Variants in SH3RF3 observed in about 807,000 individuals in gnomAD.
The protein encoded by SH3RF3 is E3 ubiquitin-protein ligase SH3RF3.
In SH3RF3, 29 loss-of-function variants were observed where a neutral mutation model predicts 66.3. That is an observed-to-expected ratio of 0.44 (90% confidence interval 0.33 to 0.60). The LOEUF (loss-of-function observed/expected upper bound fraction) is 0.60, where lower values mean the gene tolerates loss of function less well. SH3RF3 is among the 20% of genes least tolerant of loss of function. The pLI, the probability that SH3RF3 is intolerant of heterozygous loss-of-function variation, is 0.04. For missense variants in SH3RF3, 1,194 were observed against 1,190.9 expected (o/e 1.00, Z -0.04); for synonymous variants, 583 against 532.0 (o/e 1.10, Z -1.32).
chr2:109,400,403 T>C (rs754663281), intron 4 of SH3RF3, among the ~76,000 whole-genome samples: 1 of 151,890 alleles, frequency 6.6e-6, no homozygotes, highest in Non-Finnish European at 1.5e-5. Flanking sequence ...CACGCACATA[T>C]ACACATATAC....
intron 1 of SH3RF3, among the ~76,000 whole-genome samples, chr2:109,150,471 T>C (rs1206748686): frequency 1.3e-5 from 2 of 152,172 alleles, no homozygotes; most frequent in Non-Finnish European, 2.9e-5. Context: ...CTTAGAAAAA[T>C]AGTTTTTTTA....
chr2:109,474,596 A>T (rs912351981), intron 8 of SH3RF3, among the ~76,000 whole-genome samples: 1 of 152,178 alleles, frequency 6.6e-6, no homozygotes, highest in Non-Finnish European at 1.5e-5. Flanking sequence ...CTTCAGACTT[A>T]CCCAGGTTTG....
At chr2:109,444,843 TAGG>T (rs1201432808) in intron 7 of SH3RF3, among the ~76,000 whole-genome samples, 3 of 151,796 alleles carry the variant, frequency 2.0e-5, no homozygotes, top group African/African-American at 4.8e-5. Flanking sequence ...ACTCAAGAGA[TAGG>T]AGGAAAATAA....
chr2:109,491,835 C>T (rs372022798), intron 9 of SH3RF3, among the ~76,000 whole-genome samples: 1 of 152,190 alleles, frequency 6.6e-6, no homozygotes, highest in Non-Finnish European at 1.5e-5. Context: ...CTGCCAGAAC[C>T]TTTCCTCCCT....
intron 3 of SH3RF3, among the ~76,000 whole-genome samples, chr2:109,373,623 C>T (rs1190951420): frequency 6.6e-6 from 1 of 152,050 alleles, no homozygotes; most frequent in Non-Finnish European, 1.5e-5. Context: ...TGACAGAAGT[C>T]AGAGCAGTAG....
intron 2 of SH3RF3, among the ~76,000 whole-genome samples, chr2:109,369,702 C>G (rs564101951): frequency 1.2e-4 from 18 of 152,312 alleles, no homozygotes; most frequent in African/African-American, 4.1e-4. Flanking sequence ...AGAGCCCAGC[C>G]TGCCCTCCTT....
intron 1 of SH3RF3, among the ~76,000 whole-genome samples, chr2:109,173,825 A>G (rs1677857289): frequency 6.6e-6 from 1 of 152,214 alleles, no homozygotes; most frequent in Non-Finnish European, 1.5e-5. Context: ...GGGCTGGAAC[A>G]CTGCCGTCGT....
chr2:109,341,691 A>G (rs1377754419), intron 1 of SH3RF3, among the ~76,000 whole-genome samples: 3 of 152,094 alleles, frequency 2.0e-5, no homozygotes, highest in African/African-American at 4.8e-5. Flanking sequence ...TGGGCATAAT[A>G]TTTGATGGAA....
intron 1 of SH3RF3, among the ~76,000 whole-genome samples, chr2:109,155,197 C>T (rs1677312932): frequency 6.6e-6 from 1 of 152,182 alleles, no homozygotes; most frequent in Non-Finnish European, 1.5e-5. Context: ...TGCTGATGTT[C>T]AGTGGTGTTC....
At chr2:109,331,485 C>A (rs184208566) in intron 1 of SH3RF3, among the ~76,000 whole-genome samples, 3 of 152,078 alleles carry the variant, frequency 2.0e-5, no homozygotes, top group Non-Finnish European at 4.4e-5. Flanking sequence ...TCAGGGCTCC[C>A]GCGTCTACTC....
chr2:109,340,748 C>T (rs12614506), intron 1 of SH3RF3, among the ~76,000 whole-genome samples: 3,768 of 152,196 alleles, frequency 0.025, 70 homozygotes, highest in African/African-American at 0.055. Flanking sequence ...CTAAGAAGCA[C>T]GGAAGGGCAG....
intron 3 of SH3RF3, among the ~76,000 whole-genome samples, chr2:109,376,974 G>A (rs747719830): frequency 3.3e-5 from 5 of 152,232 alleles, no homozygotes; most frequent in Non-Finnish European, 5.9e-5. Flanking sequence ...CACCTGTCCC[G>A]GCAGCCAGCA....
intron 6 of SH3RF3, among the ~76,000 whole-genome samples, chr2:109,434,410 C>A (rs1237141294): frequency 6.6e-6 from 1 of 152,226 alleles, no homozygotes; most frequent in Non-Finnish European, 1.5e-5. Flanking sequence ...CTTCCGCAGA[C>A]CTTCAGAGAT....
intron 1 of SH3RF3, among the ~76,000 whole-genome samples, chr2:109,341,960 A>T (rs1682560538): frequency 6.6e-6 from 1 of 152,212 alleles, no homozygotes; most frequent in South Asian, 2.1e-4. Flanking sequence ...AGGGGTCATT[A>T]GCTGTCTCTG....
intron 1 of SH3RF3, among the ~76,000 whole-genome samples, chr2:109,338,916 AC>A (rs1559031380): frequency 8.9e-6 from 1 of 112,638 alleles, no homozygotes; most frequent in East Asian, 3.0e-4. Context: ...CTTACTGATA[AC>A]ACAAACAGTT....
chr2:109,447,557 G>T (rs1677745279), intron 7 of SH3RF3, among the ~76,000 whole-genome samples: 1 of 152,150 alleles, frequency 6.6e-6, no homozygotes, highest in South Asian at 2.1e-4. Flanking sequence ...AGCTGGATGT[G>T]AGCTGCGTGG....
At chr2:109,301,739 T>C (rs1681474115) in intron 1 of SH3RF3, among the ~76,000 whole-genome samples, 1 of 152,224 alleles carries the variant, frequency 6.6e-6, no homozygotes, top group South Asian at 2.1e-4. Context: ...CCCATGTATT[T>C]GCTAAGCTGG....
intron 5 of SH3RF3, among the ~76,000 whole-genome samples, chr2:109,431,569 T>C (rs1677216441): frequency 6.6e-6 from 1 of 152,174 alleles, no homozygotes; most frequent in Non-Finnish European, 1.5e-5. Context: ...ACCACTAAAT[T>C]TGCTCTTTCC....
intron 3 of SH3RF3, among the ~76,000 whole-genome samples, chr2:109,376,441 T>C (rs1256662525): frequency 6.6e-6 from 1 of 152,184 alleles, no homozygotes; most frequent in Non-Finnish European, 1.5e-5. Context: ...GTGGGTGGCT[T>C]GCATGGAGAC....
Sources: gnomAD v4.1 joint callset for allele counts (sites outside exome capture counted in the v4.1 genomes callset) on GRCh38, gnomAD v4.1.1 for gene constraint, MANE v1.5 for transcripts, NCBI Gene and HGNC (gene_info 2026-07-23, HGNC 2026-07-21) for gene names.